Variants in TNRC6B observed in about 807,000 individuals in gnomAD.
TNRC6B encodes trinucleotide repeat-containing gene 6B protein.
A neutral mutation model predicts 203.6 loss-of-function variants in TNRC6B; 52 were observed. That is an observed-to-expected ratio of 0.26 (90% CI 0.20 to 0.32). The LOEUF is 0.32. Among genes scored for constraint, TNRC6B ranks in the 10% least tolerant of loss-of-function variants. The pLI, the probability that TNRC6B is intolerant of heterozygous loss-of-function variation, is 1.00. For missense variants in TNRC6B, 1,923 were observed against 2,286.2 expected, an observed-to-expected ratio of 0.84 and a Z score of 3.24; for synonymous variants, 838 against 845.7, an observed-to-expected ratio of 0.99 and a Z score of 0.16.
chr22:40,198,374 G>A (rs1477571346), intron 1 of TNRC6B, among the ~76,000 whole-genome samples: 1 of 151,956 alleles, frequency 6.6e-6, no homozygotes, highest in Non-Finnish European at 1.5e-5. Context: ...AATTTTAAAA[G>A]CATTCTTCTT....
At chr22:40,048,855 C>T (rs2067718693) in intron 1 of TNRC6B, among the ~76,000 whole-genome samples, 1 of 151,784 alleles carries the variant, frequency 6.6e-6, no homozygotes, top group African/African-American at 2.4e-5. Flanking sequence ...TCTTTCTTGT[C>T]TTTCTGACAG....
intron 11 of TNRC6B, among the ~76,000 whole-genome samples, chr22:40,283,935 G>T (rs150979729): frequency 6.6e-6 from 1 of 152,366 alleles, no homozygotes; most frequent in African/African-American, 2.4e-5. Context: ...CCAAGGACCA[G>T]TCGTGAATAA....
chr22:40,079,585 T>TATA (rs199933882), intron 1 of TNRC6B, among the ~76,000 whole-genome samples: 24 of 148,818 alleles, frequency 1.6e-4, no homozygotes, highest in African/African-American at 1.3e-4. Flanking sequence ...ATATATATAT[T>TATA]TTTTATGATA....
intron 1 of TNRC6B, among the ~76,000 whole-genome samples, chr22:40,076,465 T>C (rs1236107751): frequency 6.6e-6 from 1 of 152,232 alleles, no homozygotes; most frequent in Non-Finnish European, 1.5e-5. Context: ...TCCATCTTTT[T>C]TGAAGGCTAT....
chr22:40,300,559 G>A lies in TNRC6B; in HGVS notation c.3813G>A (p.Gln1271=). The A allele has an allele frequency of 1.2e-6, 2 of 1,612,766 alleles. No homozygotes were observed. Among genetic ancestry groups the A allele is most frequent in the South Asian group, 2.2e-5 (2 of 90,618 alleles). ...LSPQQIAMLS[Q]LPQIPQFQLA... ...CTCAACAAATTGCCATGCTGAGCCA[G>A]CTTCCACAAATTCCCCAGTTTCAGT... Residue 1271 remains glutamine, a synonymous_variant, in exon 13 of 23, where the codon CAG becomes CAA. Coordinates refer to ENST00000454349, the MANE Select transcript of TNRC6B (RefSeq NM_001162501.2).
chr22:40,249,320 G>T (rs190337462), intron 2 of TNRC6B, among the ~76,000 whole-genome samples: 6 of 152,328 alleles, frequency 3.9e-5, no homozygotes, highest in African/African-American at 1.4e-4. Flanking sequence ...TTTTCTTGAA[G>T]AATTGACACT....
At chr22:40,068,869 A>G (rs926654117) in intron 1 of TNRC6B, among the ~76,000 whole-genome samples, 2 of 151,970 alleles carry the variant, frequency 1.3e-5, no homozygotes, top group African/African-American at 2.4e-5. Context: ...ACAGGAATGA[A>G]CCATTGCACC....
At chr22:40,267,770 G>C (rs1227729672) in intron 5 of TNRC6B, among the ~76,000 whole-genome samples, 2 of 152,128 alleles carry the variant, frequency 1.3e-5, no homozygotes, top group Non-Finnish European at 2.9e-5. Flanking sequence ...TCTAGAGGCT[G>C]AGGTAAGAGG....
chr22:40,244,784 T>C (rs1193233810), intron 1 of TNRC6B, among the ~76,000 whole-genome samples: 1 of 152,232 alleles, frequency 6.6e-6, no homozygotes. Flanking sequence ...TCCATAAGCA[T>C]AGAGTCTGGG....
chr22:40,072,026 A>G (rs1488977371), intron 1 of TNRC6B, among the ~76,000 whole-genome samples: 1 of 152,120 alleles, frequency 6.6e-6, no homozygotes, highest in Non-Finnish European at 1.5e-5. Context: ...ACTGATTTTT[A>G]AAAATCTTTT....
chr22:40,301,626 T>C (rs1259032808), intron 15 of TNRC6B: 3 of 396,810 alleles, frequency 7.6e-6, no homozygotes, highest in Non-Finnish European at 1.4e-5. Context: ...TTTAACACAG[T>C]AAAGGCTCAT....
chr22:40,230,143 C>CA lies in TNRC6B; in HGVS notation c.6-15871dup, dbSNP rs2069847077. On this transcript the variant is annotated intron_variant, in intron 1 of 22. Coordinates refer to ENST00000454349, the MANE Select transcript of TNRC6B (RefSeq NM_001162501.2). Reference sequence around the variant, plus strand: ...TTTAATTTTGCACATTCTACAAGTACATGTGTGTTGACATCTCATTGTGGC... The same window carrying CA: ...TTTAATTTTGCACATTCTACAAGTACAATGTGTGTTGACATCTCATTGTGGC... Among the ~76,000 whole-genome samples, 4 of 152,234 alleles carry CA rather than the reference C, an allele frequency of 2.6e-5. No homozygotes were observed. The South Asian group carries it at 6.2e-4, about 24-fold the overall frequency.
chr22:40,082,915 A>G (rs1356484440), intron 1 of TNRC6B, among the ~76,000 whole-genome samples: 1 of 152,198 alleles, frequency 6.6e-6, no homozygotes, highest in Non-Finnish European at 1.5e-5. Flanking sequence ...ATTTGATTAT[A>G]TTAAGTCCGA....
At chr22:40,142,402 G>T (rs188667417) in intron 3 of TNRC6B, among the ~76,000 whole-genome samples, 2 of 152,150 alleles carry the variant, frequency 1.3e-5, no homozygotes, top group East Asian at 3.9e-4. Flanking sequence ...ATGAAGCCCA[G>T]GGTAGGGCTT....
intron 3 of TNRC6B, among the ~76,000 whole-genome samples, chr22:40,130,130 G>A (rs6001786): frequency 0.015 from 2,326 of 152,242 alleles, 55 homozygotes; most frequent in African/African-American, 0.053. Flanking sequence ...TTTTTTAAAT[G>A]GAAGAGGACT....
chr22:40,309,047 A>G (rs1446530317), intron 16 of TNRC6B, among the ~76,000 whole-genome samples: 1 of 152,250 alleles, frequency 6.6e-6, no homozygotes, highest in African/African-American at 2.4e-5. Context: ...CTGCCTTTTA[A>G]TCTCCAAAAG....
chr22:40,209,232 G>A (rs1240135024), intron 1 of TNRC6B, among the ~76,000 whole-genome samples: 1 of 147,998 alleles, frequency 6.8e-6, no homozygotes, highest in African/African-American at 2.6e-5. Context: ...TTATTCTCTA[G>A]AACAGAAACT....
intron 12 of TNRC6B, among the ~76,000 whole-genome samples, chr22:40,291,752 C>T (rs1023458153): frequency 3.9e-5 from 6 of 152,302 alleles, no homozygotes; most frequent in East Asian, 1.9e-4. Context: ...ATACATAAAC[C>T]CTTGCCCACA....
chr22:40,273,312 A>G, intron 6 of TNRC6B, 113 bp from the exon 7 acceptor site: 1 of 970,728 alleles, frequency 1.0e-6, no homozygotes. Context: ...TGCCATGGAG[A>G]TGGAGTAGAT....
Sources: gnomAD v4.1 joint callset for allele counts (sites outside exome capture counted in the v4.1 genomes callset) on GRCh38, gnomAD v4.1.1 for gene constraint, MANE v1.5 for transcripts, NCBI Gene and HGNC (gene_info 2026-07-23, HGNC 2026-07-21) for gene names.